The following MALT1 variants were observed in gnomAD, a reference collection of about 807,000 sequenced individuals.
MALT1 encodes mucosa-associated lymphoid tissue lymphoma translocation protein 1.
A neutral mutation model predicts 85.5 loss-of-function variants in MALT1; 36 were observed. The ratio of observed to expected loss-of-function variants is 0.42; its 90% CI spans 0.32 to 0.56. The LOEUF is 0.56. Ranked by LOEUF, MALT1 falls within the 20% of genes least tolerant of loss-of-function variation. MALT1 has a pLI of 0.10. For synonymous variants in MALT1, 359 were observed against 361.3 expected (o/e 0.99, Z 0.07); for missense variants, 716 against 981.6 (o/e 0.73, Z 3.62).
intron 4 of MALT1, among the ~76,000 whole-genome samples, chr18:58,704,721 G>A (rs1349580019): frequency 6.6e-6 from 1 of 152,182 alleles, no homozygotes; most frequent in Non-Finnish European, 1.5e-5. Flanking sequence ...TGGGATTACT[G>A]GCATGAGCCA....
intron 7 of MALT1, among the ~76,000 whole-genome samples, chr18:58,712,565 T>A (rs1602312818): frequency 6.6e-6 from 1 of 152,076 alleles, no homozygotes; most frequent in Non-Finnish European, 1.5e-5. Flanking sequence ...TGAAGAGAGG[T>A]TGGTTGATAA....
In MALT1 at chr18:58,753,178, T is replaced by C. The variant is rs886141009; in HGVS notation, c.*5336T>C. Reference sequence around the variant, plus strand: ...CTTAAAGCTATACCTGTAGGCAGTATAGAGTGTTTTTTTTTATTTGTTTTT... The same window carrying C: ...CTTAAAGCTATACCTGTAGGCAGTACAGAGTGTTTTTTTTTATTTGTTTTT... On this transcript the variant is annotated 3_prime_UTR_variant, in exon 17 of 17. Coordinates refer to ENST00000649217, the MANE Select transcript of MALT1 (RefSeq NM_006785.4). The C allele has an allele frequency of 1.3e-5, 2 of 152,164 alleles. No homozygotes were observed. Among genetic ancestry groups the C allele is most frequent in the African/African-American group, 4.8e-5 (2 of 41,436 alleles). The allele number at this position is 152,164 out of a possible 1,614,324, so 9.4% of individuals were successfully genotyped here. A position where few individuals can be genotyped will look rare whatever the true frequency, so the allele number is the denominator to read the frequency against.
chr18:58,695,353 A>G (rs1214476897), intron 2 of MALT1, among the ~76,000 whole-genome samples: 1 of 152,168 alleles, frequency 6.6e-6, no homozygotes, highest in Non-Finnish European at 1.5e-5. Flanking sequence ...GAGGCAAGAG[A>G]AGGAGTTGGG....
chr18:58,678,416 G>A (rs2054272240), intron 1 of MALT1, among the ~76,000 whole-genome samples: 1 of 152,132 alleles, frequency 6.6e-6, no homozygotes, highest in Admixed American at 6.5e-5. Context: ...AATTAATATG[G>A]ACAAGACAGA....
chr18:58,691,970 G>A (rs1459647903), intron 2 of MALT1: 2 of 151,130 alleles, frequency 1.3e-5, no homozygotes, highest in East Asian at 3.9e-4. Context: ...CTTGAACCTG[G>A]GAGATAGAGG....
rs753453838 is a variant in MALT1 at position 58,745,728 on chromosome 18, GGTATCAAAGGATCTT to G, written c.1975_1989del (p.Val659_Leu663del). The G allele has an allele frequency of 6.2e-7, 1 of 1,613,396 alleles. No individual in the cohort carries two copies. The highest frequency in any genetic ancestry group is 8.5e-7 in the Non-Finnish European group (1 of 1,179,520). ...CACCTGAAGAAACTGGCAGCTACTT[GGTATCAAAGGATCTT>G]CCCAAGCATTGCCTCTATACCAGAC... is the stretch of plus-strand genomic sequence containing the variant. On this transcript the variant is annotated inframe_deletion, in exon 16 of 17. Coordinates refer to ENST00000649217, the MANE Select transcript of MALT1 (RefSeq NM_006785.4).
rs146860698 is a variant in MALT1 at position 58,733,412 on chromosome 18, C to T, written c.1238C>T (p.Ala413Val). 513 of 1,606,040 alleles carry T rather than the reference C, an allele frequency of 3.2e-4. 1 individual carries two copies. Among genetic ancestry groups the T allele is most frequent in the Non-Finnish European group, 4.2e-4 (492 of 1,176,840 alleles). The change falls in exon 11 of 17, where the codon GCA becomes GTA. Residue 413 changes from alanine (A) to valine (V), a missense_variant. By Grantham distance (64) the Ala-to-Val change is moderately conservative (BLOSUM62 0). This residue lies in a region of MALT1 where 86 missense variants were observed against 212.3 expected (regional missense o/e 0.41). Transcript: ENST00000649217. ...DKGVYGLLYY[A>V]GHGYENFGNS... ...CTCTTTTCAGGGTTATTATATTATGCAGGACATGGTTATGAAAATTTTGGG... is the reference window on the plus strand; with the variant it reads ...CTCTTTTCAGGGTTATTATATTATGTAGGACATGGTTATGAAAATTTTGGG...
chr18:58,727,274 T>C (rs903994384), intron 10 of MALT1, among the ~76,000 whole-genome samples: 5 of 18,836 alleles, frequency 2.7e-4, no homozygotes, highest in African/African-American at 3.1e-4. Flanking sequence ...TAAGGTTTTT[T>C]GGGTTTTTTT....
chr18:58,735,102 G>T, intron 12 of MALT1, 100 bp from the exon 13 acceptor site: 1 of 1,024,024 alleles, frequency 9.8e-7, no homozygotes, highest in Non-Finnish European at 1.4e-6. Flanking sequence ...ATTCTGCTGG[G>T]TGCTTCTCTG....
chr18:58,734,210 TA>T, intron 11 of MALT1, 96 bp from the exon 12 acceptor site: 3 of 1,099,092 alleles, frequency 2.7e-6, no homozygotes, highest in South Asian at 1.6e-5. Flanking sequence ...TTATGTATTC[TA>T]AAAAACTGTT....
chr18:58,709,280 G>A (rs2054799006), intron 4 of MALT1, 98 bp from the exon 5 acceptor site: 3 of 734,556 alleles, frequency 4.1e-6, no homozygotes, highest in African/African-American at 3.6e-5. Context: ...ATTAAAAATT[G>A]TAACAAATGA....
intron 1 of MALT1, chr18:58,673,008 A>C (rs990532391): frequency 6.6e-6 from 1 of 152,226 alleles, no homozygotes; most frequent in African/African-American, 2.4e-5. Flanking sequence ...CATTGTTGTA[A>C]CTTTGGCCTG....
At chr18:58,704,256 T>G (rs2054714197) in intron 4 of MALT1, among the ~76,000 whole-genome samples, 2 of 152,246 alleles carry the variant, frequency 1.3e-5, no homozygotes, top group Admixed American at 1.3e-4. Flanking sequence ...TGCCAAAGTT[T>G]CCAAAATAGT....
In MALT1 at chr18:58,744,228, T is replaced by C. The variant is rs1602344236; in HGVS notation, c.1754-110T>C. On this transcript the variant is annotated intron_variant, in intron 14 of 16. Coordinates refer to ENST00000649217, the MANE Select transcript of MALT1 (RefSeq NM_006785.4). ...TTTTAAATTGTATGTGTTTAAACAATGTAAATCATGTTTTTAAGCAAAAGA... is the reference window on the plus strand; with the variant it reads ...TTTTAAATTGTATGTGTTTAAACAACGTAAATCATGTTTTTAAGCAAAAGA... 9.1e-6 allele frequency: 6 copies of C among 662,642 alleles called. No individual in the cohort carries two copies. In the South Asian group the frequency reaches 1.3e-4, roughly 15 times the overall value. The allele number at this position is 662,642 out of a possible 1,614,324, so 41.0% of individuals were successfully genotyped here.
intron 13 of MALT1, among the ~76,000 whole-genome samples, chr18:58,741,121 T>G (rs1442205397): frequency 6.6e-6 from 1 of 152,148 alleles, no homozygotes; most frequent in Non-Finnish European, 1.5e-5. Flanking sequence ...ACACTTTTAC[T>G]TTCAAACATT....
At chr18:58,732,677 TA>T (rs33955193) in intron 10 of MALT1, among the ~76,000 whole-genome samples, 24,613 of 151,796 alleles carry the variant, frequency 0.16, 2,009 homozygotes, top group Middle Eastern at 0.18. Context: ...AACACACAAA[TA>T]AATAAATGTA....
rs146335154 is a variant in MALT1, at chr18:58,747,738, G to A, written c.2371G>A (p.Ala791Thr). Residue 791 changes from alanine to threonine, a missense_variant, in exon 17 of 17, where the codon GCT becomes ACT. Ala to Thr is a moderately conservative substitution (Grantham distance 58). Transcript: ENST00000649217. ...RTPDAFISSF[A>T]HHASCHFSRS... ...TCCAGATGCATTTATTTCAAGTTTC[G>A]CTCACCATGCTTCATGTCATTTTAG... The A allele has an allele frequency of 2.3e-4, 364 of 1,613,954 alleles. No individual in the cohort carries two copies. Among genetic ancestry groups the A allele is most frequent in the Non-Finnish European group, 2.9e-4 (340 of 1,179,984 alleles).
intron 9 of MALT1, among the ~76,000 whole-genome samples, chr18:58,716,868 A>G (rs931138462): frequency 2.0e-5 from 3 of 152,194 alleles, no homozygotes; most frequent in Non-Finnish European, 4.4e-5. Context: ...CAATTTATAG[A>G]GCAAGTTCCT....
Position 58,753,974 on chromosome 18 carries a change from A to T in MALT1, c.*6132A>T, listed in dbSNP as rs534131520. 20 of 152,322 alleles carry T rather than the reference A, an allele frequency of 1.3e-4. No individual in the cohort carries two copies. Among genetic ancestry groups the T allele is most frequent in the African/African-American group, 4.8e-4 (20 of 41,572 alleles). The allele number at this position is 152,322 out of a possible 1,614,324, so 9.4% of individuals were successfully genotyped here. A position where few individuals can be genotyped will look rare whatever the true frequency, so the allele number is the denominator to read the frequency against. ...CATTTTAGATACTAAAAATGATTGG[A>T]TGAGTATTTCTACATTAATAAGTTG... On this transcript the variant is annotated 3_prime_UTR_variant, in exon 17 of 17. Coordinates refer to ENST00000649217, the MANE Select transcript of MALT1 (RefSeq NM_006785.4).
Sources: allele counts gnomAD v4.1 joint callset (sites outside exome capture counted in the v4.1 genomes callset), GRCh38; gene constraint gnomAD v4.1.1; regional missense constraint gnomAD v4.1.1; transcripts MANE v1.5; gene names NCBI Gene and HGNC (gene_info 2026-07-23, HGNC 2026-07-21).